OTOGL: variants seen among roughly 807,000 people sequenced by gnomAD.
OTOGL encodes otogelin-like protein.
OTOGL carries 285 observed loss-of-function variants against 318.5 expected under a neutral mutation model. The observed-to-expected ratio is 0.89, with a 90% CI of 0.81 to 0.99. The LOEUF (loss-of-function observed/expected upper bound fraction) is 0.99. Among genes scored for constraint, OTOGL ranks in the 50% least tolerant of loss-of-function variants. The pLI is 0.00. For synonymous variants in OTOGL, 987 were observed against 936.5 expected (o/e 1.05, Z -0.99); for missense variants, 2,899 against 2,845.6 (o/e 1.02, Z -0.43).
At chr12:80,266,427 C>A in intron 20 of OTOGL, 24 bp from the exon 21 acceptor site, 2 of 1,611,418 alleles carry the variant, frequency 1.2e-6, no homozygotes, top group South Asian at 2.2e-5. Flanking sequence ...CAATCTTTCT[C>A]AAGTGATACT....
intron 52 of OTOGL, among the ~76,000 whole-genome samples, chr12:80,362,722 C>T (rs1169552638): frequency 6.6e-6 from 1 of 151,856 alleles, no homozygotes; most frequent in Non-Finnish European, 1.5e-5. Context: ...AGATGGCAAC[C>T]ATCAAGAAAA....
rs367644363 is a variant in OTOGL at position 80,131,646 on chromosome 12, GTAATAA to G, written c.-20+32046_-20+32051del. ...GCTAGGTACCATACAATTTTCTCTT[GTAATAA>G]TAATGATAATAACAACAAATGGCAT... On this transcript the variant is annotated intron_variant, in intron 1 of 58. Transcript: ENST00000547103. Among the ~76,000 whole-genome samples the G allele has an allele frequency of 6.4e-3, 973 of 152,072 alleles. 13 individuals are homozygous for G. Among genetic ancestry groups the G allele is most frequent in the African/African-American group, 0.021 (861 of 41,484 alleles).
At chr12:80,218,624 A>G (rs552063675) in intron 5 of OTOGL, among the ~76,000 whole-genome samples, 1 of 151,982 alleles carries the variant, frequency 6.6e-6, no homozygotes, top group Non-Finnish European at 1.5e-5. Context: ...ATGATGGTAA[A>G]ATTAGGGTTA....
intron 1 of OTOGL, among the ~76,000 whole-genome samples, chr12:80,180,016 A>G (rs925919352): frequency 6.6e-6 from 1 of 152,226 alleles, no homozygotes; most frequent in East Asian, 1.9e-4. Flanking sequence ...CAGAAGATGT[A>G]GTCTAAGCTG....
At chr12:80,322,897 C>A (rs1171825044) in intron 34 of OTOGL, among the ~76,000 whole-genome samples, 2 of 152,092 alleles carry the variant, frequency 1.3e-5, no homozygotes, top group Non-Finnish European at 2.9e-5. Flanking sequence ...TTTGGTCTTG[C>A]CATTTTTCTA....
chr12:80,231,740 T>C (rs777549697), intron 8 of OTOGL, among the ~76,000 whole-genome samples: 6 of 152,064 alleles, frequency 3.9e-5, no homozygotes, highest in Admixed American at 2.0e-4. Flanking sequence ...GTTCAAGCGA[T>C]TCTCCTGCCT....
At chr12:80,108,999 A>C in intron 1 of OTOGL, among the ~76,000 whole-genome samples, 1 of 147,750 alleles carries the variant, frequency 6.8e-6, no homozygotes, top group African/African-American at 2.5e-5. Context: ...TCTTTGCTCA[A>C]ATTATTCCAG....
intron 18 of OTOGL, among the ~76,000 whole-genome samples, chr12:80,259,364 T>G (rs1882333878): frequency 6.6e-6 from 1 of 151,688 alleles, no homozygotes; most frequent in African/African-American, 2.4e-5. Flanking sequence ...ATTTAATTTA[T>G]TATTATTATT....
At chr12:80,235,422 C>T (rs775158505) in intron 9 of OTOGL, among the ~76,000 whole-genome samples, 1 of 135,178 alleles carries the variant, frequency 7.4e-6, no homozygotes, top group Non-Finnish European at 1.5e-5. Context: ...CAGAGACCAT[C>T]ATGCCACTGC....
intron 1 of OTOGL, among the ~76,000 whole-genome samples, chr12:80,158,631 C>G (rs1392520265): frequency 6.6e-6 from 1 of 151,942 alleles, no homozygotes; most frequent in African/African-American, 2.4e-5. Context: ...TGATTCTCAG[C>G]TTGGTCACTG....
intron 44 of OTOGL, among the ~76,000 whole-genome samples, chr12:80,342,640 T>C (rs1888855453): frequency 6.6e-6 from 1 of 152,200 alleles, no homozygotes; most frequent in South Asian, 2.1e-4. Context: ...GTTTAAAAAA[T>C]CCATTATTAA....
At chr12:80,135,492 C>G (rs528916994) in intron 1 of OTOGL, among the ~76,000 whole-genome samples, 1 of 151,942 alleles carries the variant, frequency 6.6e-6, no homozygotes, top group East Asian at 1.9e-4. Context: ...AGGCTGGTCT[C>G]GAACTCCTGC....
intron 52 of OTOGL, among the ~76,000 whole-genome samples, chr12:80,359,243 T>C (rs1243862811): frequency 1.3e-5 from 2 of 152,300 alleles, no homozygotes; most frequent in African/African-American, 4.8e-5. Flanking sequence ...GAGCTAATAA[T>C]GCCTCTGTTG....
At chr12:80,307,840 C>G (rs1450512715) in intron 29 of OTOGL, among the ~76,000 whole-genome samples, 5 of 134,606 alleles carry the variant, frequency 3.7e-5, no homozygotes, top group South Asian at 2.3e-4. Context: ...CCTCACCTCC[C>G]GGACAGGGCG....
chr12:80,263,695 T>A (rs1043991514), intron 19 of OTOGL, among the ~76,000 whole-genome samples: 3 of 152,012 alleles, frequency 2.0e-5, no homozygotes, highest in African/African-American at 7.2e-5. Context: ...TGATTTTTTT[T>A]TAAAAAAATT....
intron 43 of OTOGL, among the ~76,000 whole-genome samples, chr12:80,340,213 G>A (rs1231087215): frequency 6.6e-6 from 1 of 152,100 alleles, no homozygotes; most frequent in Admixed American, 6.6e-5. Flanking sequence ...ACTCAAAAAT[G>A]AGTGGCTAAG....
At chr12:80,216,070 C>T (rs1456893011) in intron 4 of OTOGL, among the ~76,000 whole-genome samples, 1 of 152,222 alleles carries the variant, frequency 6.6e-6, no homozygotes, top group Non-Finnish European at 1.5e-5. Context: ...GTCCCAGCTA[C>T]TCAGGAGGCC....
At chr12:80,158,436 T>C (rs1592504795) in intron 1 of OTOGL, among the ~76,000 whole-genome samples, 1 of 152,042 alleles carries the variant, frequency 6.6e-6, no homozygotes, top group Admixed American at 6.6e-5. Flanking sequence ...TGTGTGGTCA[T>C]ACAGATTTCA....
intron 6 of OTOGL, 40 bp downstream of exon 6, chr12:80,219,952 C>A (rs374872657): frequency 7.1e-7 from 1 of 1,403,312 alleles, no homozygotes; most frequent in South Asian, 1.2e-5. Flanking sequence ...TATGAGATAC[C>A]AAGGAGAAAA....
Sources: gnomAD v4.1 joint callset for allele counts (sites outside exome capture counted in the v4.1 genomes callset) on GRCh38, gnomAD v4.1.1 for gene constraint, MANE v1.5 for transcripts, NCBI Gene and HGNC (gene_info 2026-07-23, HGNC 2026-07-21) for gene names.